EHF: variants seen among roughly 807,000 people sequenced by gnomAD.
EHF encodes the protein ETS homologous factor.
A neutral mutation model predicts 45.1 loss-of-function variants in EHF; 14 were observed. The ratio of observed to expected loss-of-function variants is 0.31; its 90% CI spans 0.21 to 0.49. The LOEUF is 0.49. Among genes scored for constraint, EHF ranks in the 20% least tolerant of loss-of-function variants. The pLI is 0.99. For synonymous variants in EHF, 136 were observed against 131.8 expected (o/e 1.03, Z -0.22); for missense variants, 282 against 371.4 (o/e 0.76, Z 1.98).
intron 1 of EHF, among the ~76,000 whole-genome samples, chr11:34,632,844 A>C (rs770000849): frequency 8.5e-5 from 13 of 152,166 alleles, no homozygotes; most frequent in Non-Finnish European, 1.8e-4. Context: ...TTGTATCGCC[A>C]GCACCTAGCA....
chr11:34,658,766 A>G, intron 8 of EHF, 38 bp downstream of exon 8: 1 of 1,608,844 alleles, frequency 6.2e-7, no homozygotes, highest in Non-Finnish European at 8.5e-7. Flanking sequence ...AAAAGGCTGT[A>G]CGACCCATTA....
chr11:34,641,960 A>T (rs1854042258), intron 1 of EHF: 1 of 152,214 alleles, frequency 6.6e-6, no homozygotes, highest in African/African-American at 2.4e-5. Flanking sequence ...GGAGAAAAAA[A>T]ACTGGTTATA....
intron 1 of EHF, chr11:34,631,520 G>T: frequency 1.0e-6 from 1 of 965,912 alleles, no homozygotes; most frequent in Non-Finnish European, 1.2e-6. Context: ...ATGATGCTTG[G>T]ATTAGGACAG....
chr11:34,642,317 T>G, intron 1 of EHF: 2 of 191,268 alleles, frequency 1.0e-5, no homozygotes, highest in East Asian at 1.3e-4. Flanking sequence ...AAAAAACTGC[T>G]TGGATGCCAG....
intron 1 of EHF, among the ~76,000 whole-genome samples, chr11:34,630,659 T>C (rs1285777586): frequency 8.0e-6 from 1 of 124,940 alleles, no homozygotes; most frequent in Non-Finnish European, 1.7e-5. Flanking sequence ...CCACCCTTCC[T>C]ACATTCCTGC....
intron 1 of EHF, among the ~76,000 whole-genome samples, chr11:34,623,725 T>C (rs970327882): frequency 1.3e-5 from 2 of 152,206 alleles, no homozygotes; most frequent in African/African-American, 4.8e-5. Flanking sequence ...AGAATTTCGC[T>C]TTCTGGAATC....
At chr11:34,630,686 ATCAGTCAAC>A in intron 1 of EHF, among the ~76,000 whole-genome samples, 1 of 151,944 alleles carries the variant, frequency 6.6e-6, no homozygotes, top group East Asian at 1.9e-4. Context: ...GGTCTTATTT[ATCAGTCAAC>A]TAAGGGTGTT....
chr11:34,656,240 A>G (rs1343302056), intron 6 of EHF, among the ~76,000 whole-genome samples: 2 of 152,166 alleles, frequency 1.3e-5, no homozygotes, highest in Non-Finnish European at 1.5e-5. Flanking sequence ...CTGTGTTTCC[A>G]TAGTCCACTG....
At chr11:34,652,824 G>A (rs1324192947) in intron 6 of EHF, among the ~76,000 whole-genome samples, 4 of 152,236 alleles carry the variant, frequency 2.6e-5, no homozygotes, top group African/African-American at 4.8e-5. Flanking sequence ...CCCCTTAAAT[G>A]AGATGGGGCT....
At chr11:34,632,490 T>A in intron 1 of EHF, 2 of 1,530,280 alleles carry the variant, frequency 1.3e-6, no homozygotes, top group Non-Finnish European at 8.7e-7. Flanking sequence ...CTGCCCTGAG[T>A]GGAGATTGGT....
intron 1 of EHF, among the ~76,000 whole-genome samples, chr11:34,640,037 A>G (rs1480933050): frequency 7.0e-6 from 1 of 142,706 alleles, no homozygotes; most frequent in South Asian, 2.2e-4. Context: ...TTTTTTTTTC[A>G]CTACTTGCCA....
intron 3 of EHF, among the ~76,000 whole-genome samples, chr11:34,648,758 C>T (rs1388220190): frequency 6.6e-6 from 1 of 152,102 alleles, no homozygotes; most frequent in African/African-American, 2.4e-5. Context: ...GTTCTATTTC[C>T]ACCATACTGA....
chr11:34,646,857 A>G (rs751062453), intron 3 of EHF, 173 bp downstream of exon 3: 79 of 798,176 alleles, frequency 9.9e-5, no homozygotes, highest in Non-Finnish European at 1.4e-4. Context: ...GGATTGAAGC[A>G]TAGGGTACCT....
intron 4 of EHF, among the ~76,000 whole-genome samples, chr11:34,650,309 G>A (rs1217339247): frequency 6.6e-6 from 1 of 152,226 alleles, no homozygotes; most frequent in Non-Finnish European, 1.5e-5. Flanking sequence ...AGCTCATAGA[G>A]GGGCCAACAC....
rs931761195 is a variant in EHF at position 34,660,438 on chromosome 11, T to TTTTTG, written c.*1519_*1523dup. On this transcript the variant is annotated 3_prime_UTR_variant, in exon 9 of 9. Coordinates refer to ENST00000257831, the MANE Select transcript of EHF (RefSeq NM_012153.6). ...CCTAGATTTGTACTCAGAGGAATTT[T>TTTTTG]TTTTGTTTTGTTTTGTCTTTTAAGA... 7.9e-5 allele frequency: 12 copies of TTTTTG among 152,252 alleles called. No homozygotes were observed. The highest frequency in any genetic ancestry group is 1.9e-4 in the East Asian group (1 of 5,182). The allele number at this position is 152,252 out of a possible 1,614,324, so 9.4% of individuals were successfully genotyped here.
chr11:34,621,695 G>A (rs2048527077), intron 1 of EHF, among the ~76,000 whole-genome samples: 1 of 152,200 alleles, frequency 6.6e-6, no homozygotes, highest in Non-Finnish European at 1.5e-5. Flanking sequence ...ACATGGAAAG[G>A]CCAATTTGTT....
rs1230134590 is a variant in EHF at position 34,661,099 on chromosome 11, A to T, written c.*2168A>T. 6.6e-6 allele frequency: 1 copy of T among 152,202 alleles called. No individual in the cohort carries two copies. Among genetic ancestry groups the T allele is most frequent in the African/African-American group, 2.4e-5 (1 of 41,472 alleles). 9.4% of individuals were successfully genotyped at this position (152,202 alleles called of 1,614,324 possible). On this transcript the variant is annotated 3_prime_UTR_variant, in exon 9 of 9. Transcript: ENST00000257831. ...ACGATCTTGACTGTGCAACTCAGAC[A>T]TTCCTGCAGAAAAGACATATGTTGC...
rs140921769 is a variant in EHF at position 34,646,693 on chromosome 11, C to G, written c.343+9C>G. On this transcript the variant is annotated intron_variant, in intron 3 of 8. Transcript: ENST00000257831. Reference sequence around the variant, plus strand: ...GCATCTGAAGTGGAACGGTGACTCTCTCTTTCTGTGTCTCTCCCTACCCTG... The same window carrying G: ...GCATCTGAAGTGGAACGGTGACTCTGTCTTTCTGTGTCTCTCCCTACCCTG... The G allele has an allele frequency of 6.2e-7, 1 of 1,606,548 alleles. No homozygotes were observed.
At chr11:34,631,862 G>A (rs540699839) in intron 1 of EHF, among the ~76,000 whole-genome samples, 4 of 152,152 alleles carry the variant, frequency 2.6e-5, no homozygotes, top group South Asian at 2.1e-4. Context: ...TTTTGGTTTC[G>A]ATCGTATCCC....
Sources: allele counts gnomAD v4.1 joint callset (sites outside exome capture counted in the v4.1 genomes callset), GRCh38; gene constraint gnomAD v4.1.1; transcripts MANE v1.5; gene names NCBI Gene and HGNC (gene_info 2026-07-23, HGNC 2026-07-21).